Variants in ST6GALNAC3 observed in about 807,000 individuals in gnomAD.
ST6GALNAC3 encodes the protein alpha-N-acetylgalactosaminide alpha-2,6-sialyltransferase 3.
In ST6GALNAC3, 25 loss-of-function variants were observed where a neutral mutation model predicts 32.7. The observed-to-expected ratio is 0.76, with a 90% CI of 0.56 to 1.07. The LOEUF (loss-of-function observed/expected upper bound fraction) is 1.07. Ranked by LOEUF, ST6GALNAC3 falls within the 50% of genes least tolerant of loss-of-function variation. The pLI, the probability that ST6GALNAC3 is intolerant of heterozygous loss-of-function variation, is 0.00. For missense variants in ST6GALNAC3, 355 were observed against 382.4 expected, an observed-to-expected ratio of 0.93 and a Z score of 0.60; for synonymous variants, 129 against 133.1, an observed-to-expected ratio of 0.97 and a Z score of 0.21.
intron 2 of ST6GALNAC3, among the ~76,000 whole-genome samples, chr1:76,338,123 C>T (rs1342078184): frequency 1.3e-5 from 2 of 152,124 alleles, no homozygotes; most frequent in Admixed American, 1.3e-4. Flanking sequence ...TGGCTATTAA[C>T]ATTTTTATGG....
intron 3 of ST6GALNAC3, among the ~76,000 whole-genome samples, chr1:76,609,494 A>G (rs1305550700): frequency 6.6e-6 from 1 of 152,184 alleles, no homozygotes; most frequent in Non-Finnish European, 1.5e-5. Flanking sequence ...GTATCTGTCA[A>G]AGAAATGATA....
chr1:76,504,888 C>G (rs979744881), intron 3 of ST6GALNAC3, among the ~76,000 whole-genome samples: 1 of 152,050 alleles, frequency 6.6e-6, no homozygotes, highest in Non-Finnish European at 1.5e-5. Context: ...TTTTTTCTAT[C>G]GTACTTCAGA....
At chr1:76,266,835 G>A (rs1344377281) in intron 1 of ST6GALNAC3, among the ~76,000 whole-genome samples, 3 of 152,196 alleles carry the variant, frequency 2.0e-5, no homozygotes, top group African/African-American at 7.2e-5. Flanking sequence ...CTCCAGCCAT[G>A]TGTTAGGCTC....
chr1:76,136,977 A>G (rs915404), intron 1 of ST6GALNAC3, among the ~76,000 whole-genome samples: 28,816 of 152,132 alleles, frequency 0.19, 2,911 homozygotes, highest in African/African-American at 0.25. Context: ...TAGCTTATGA[A>G]GTTGATACTT....
chr1:76,303,374 C>T (rs1418940992), intron 1 of ST6GALNAC3, among the ~76,000 whole-genome samples: 1 of 151,930 alleles, frequency 6.6e-6, no homozygotes, highest in African/African-American at 2.4e-5. Flanking sequence ...GTTACCTAGC[C>T]AGTGGAAAGT....
At chr1:76,308,576 C>T (rs1217869690) in intron 1 of ST6GALNAC3, among the ~76,000 whole-genome samples, 1 of 152,096 alleles carries the variant, frequency 6.6e-6, no homozygotes, top group Non-Finnish European at 1.5e-5. Context: ...ACGTAGAACA[C>T]ATGTGTAAAC....
intron 2 of ST6GALNAC3, among the ~76,000 whole-genome samples, chr1:76,373,295 G>A (rs1267280678): frequency 6.6e-6 from 1 of 152,290 alleles, no homozygotes; most frequent in East Asian, 1.9e-4. Flanking sequence ...ACCTTGCTGG[G>A]CCTGTTTTCT....
intron 3 of ST6GALNAC3, among the ~76,000 whole-genome samples, chr1:76,610,221 T>C (rs902595110): frequency 6.6e-6 from 1 of 152,356 alleles, no homozygotes; most frequent in African/African-American, 2.4e-5. Context: ...CCAAACACAG[T>C]GCTAACTGGT....
chr1:76,238,999 A>C (rs564406953), intron 1 of ST6GALNAC3, among the ~76,000 whole-genome samples: 1 of 148,114 alleles, frequency 6.8e-6, no homozygotes, highest in East Asian at 2.0e-4. Flanking sequence ...CCAGTAAGAT[A>C]GAAGTGAGCA....
intron 1 of ST6GALNAC3, among the ~76,000 whole-genome samples, chr1:76,077,667 G>T (rs1346579222): frequency 6.6e-6 from 1 of 152,156 alleles, no homozygotes; most frequent in Non-Finnish European, 1.5e-5. Flanking sequence ...ATTTATTTTG[G>T]TGTTGACTCT....
chr1:76,295,786 G>C (rs1344481191), intron 1 of ST6GALNAC3, among the ~76,000 whole-genome samples: 1 of 152,042 alleles, frequency 6.6e-6, no homozygotes, highest in Non-Finnish European at 1.5e-5. Flanking sequence ...TATGTGGAGA[G>C]ACTAGAAGAT....
intron 1 of ST6GALNAC3, among the ~76,000 whole-genome samples, chr1:76,077,484 C>G (rs1238489736): frequency 6.6e-6 from 1 of 151,764 alleles, no homozygotes; most frequent in Non-Finnish European, 1.5e-5. Flanking sequence ...AATAAAGACC[C>G]GAAGAAGGGG....
chr1:76,467,195 T>C (rs1475703995), intron 3 of ST6GALNAC3, among the ~76,000 whole-genome samples: 2 of 152,060 alleles, frequency 1.3e-5, no homozygotes, highest in Non-Finnish European at 2.9e-5. Context: ...ATTTTTAATG[T>C]TGGCACTTGG....
chr1:76,589,578 T>C (rs959731508), intron 3 of ST6GALNAC3, among the ~76,000 whole-genome samples: 2 of 151,936 alleles, frequency 1.3e-5, no homozygotes, highest in Admixed American at 1.3e-4. Context: ...GCCGTTAAAA[T>C]AATTCATGTC....
intron 3 of ST6GALNAC3, among the ~76,000 whole-genome samples, chr1:76,585,553 T>C (rs1188185809): frequency 1.3e-5 from 2 of 152,012 alleles, no homozygotes; most frequent in Non-Finnish European, 2.9e-5. Flanking sequence ...TTGGACACAC[T>C]GGGTGGAAGG....
At chr1:76,094,242 G>T (rs1464159380) in intron 1 of ST6GALNAC3, among the ~76,000 whole-genome samples, 1 of 152,150 alleles carries the variant, frequency 6.6e-6, no homozygotes, top group Non-Finnish European at 1.5e-5. Flanking sequence ...AATCACGGAG[G>T]CGAGGGAGAT....
At chr1:76,250,138 C>G (rs553047276) in intron 1 of ST6GALNAC3, among the ~76,000 whole-genome samples, 46 of 152,190 alleles carry the variant, frequency 3.0e-4, no homozygotes, top group Non-Finnish European at 6.5e-4. Context: ...ATTTGTGTCA[C>G]TTGTACTTTG....
rs79100160 is a variant in ST6GALNAC3 at position 76,317,424 on chromosome 1, T to C, written c.213+3425T>C. The stretch of plus-strand genomic sequence containing the variant: ...AGTGTTCTAGGACAAATAGCTTAAA[T>C]AGTGACCACAAAACCATGCTTCAGA... On this transcript the variant is annotated intron_variant, in intron 2 of 4. Transcript: ENST00000328299. 7.4e-3 allele frequency among the ~76,000 whole-genome samples: 1,121 copies of C among 152,258 alleles called. 3 individuals are homozygous for C. The highest frequency in any genetic ancestry group is 0.012 in the Non-Finnish European group (843 of 68,008).
intron 1 of ST6GALNAC3, among the ~76,000 whole-genome samples, chr1:76,187,987 G>A (rs907523924): frequency 6.6e-6 from 1 of 151,954 alleles, no homozygotes; most frequent in African/African-American, 2.4e-5. Flanking sequence ...CTTAGGTAAT[G>A]TGGAACTCAG....
Sources: allele counts gnomAD v4.1 joint callset (sites outside exome capture counted in the v4.1 genomes callset), GRCh38; gene constraint gnomAD v4.1.1; transcripts MANE v1.5; gene names NCBI Gene and HGNC (gene_info 2026-07-23, HGNC 2026-07-21).